PREX1: variants seen among roughly 807,000 people sequenced by gnomAD.
PREX1 encodes the protein phosphatidylinositol-3,4,5-trisphosphate dependent Rac exchange factor 1.
A neutral mutation model predicts 198.3 loss-of-function variants in PREX1; 41 were observed. That is an observed-to-expected ratio of 0.21 (90% CI 0.16 to 0.27). The LOEUF (loss-of-function observed/expected upper bound fraction) is 0.27, where lower values mean the gene tolerates loss of function less well. PREX1 is among the 10% of genes least tolerant of loss of function. The probability of loss-of-function intolerance (pLI) is 1.00; values close to 1 mark genes in which losing one functional copy is unlikely to be tolerated. For synonymous variants in PREX1, 843 were observed against 887.2 expected, an observed-to-expected ratio of 0.95 and a Z score of 0.89; for missense variants, 1,620 against 2,200.7, an observed-to-expected ratio of 0.74 and a Z score of 5.28.
the PREX1 span, among the ~76,000 whole-genome samples, chr20:48,866,088 A>G: frequency 6.6e-6 from 1 of 152,046 alleles, no homozygotes; most frequent in Non-Finnish European, 1.5e-5. Flanking sequence ...AGCTGGGACT[A>G]CAAGTGTGTG....
chr20:48,805,923 G>A (rs1259861586), intron 1 of PREX1, among the ~76,000 whole-genome samples: 1 of 152,146 alleles, frequency 6.6e-6, no homozygotes, highest in African/African-American at 2.4e-5. Flanking sequence ...CATCATCACT[G>A]CCGCCAAAGC....
Position 48,684,507 on chromosome 20 carries a change from T to C in PREX1, c.1335-3172A>G, listed in dbSNP as rs2089772982. The stretch of plus-strand genomic sequence containing the variant: ...CAAGGCCCCTTCCACCTTGGAGCTT[T>C]CCCTCTGGCAGACGTCCATAACTGA... On this transcript the variant is annotated intron_variant, in intron 10 of 39. Coordinates refer to ENST00000371941, the MANE Select transcript of PREX1 (RefSeq NM_020820.4). This position sits in a 1 kb window ranked among gnomAD's most constrained non-coding sequence, Gnocchi z 4.2. 6.6e-6 allele frequency among the ~76,000 whole-genome samples: 1 copy of C among 152,176 alleles called. No individual in the cohort carries two copies. The highest frequency in any genetic ancestry group is 2.4e-5 in the African/African-American group (1 of 41,450).
At chr20:48,683,580 G>A (rs1233040600) in intron 10 of PREX1, among the ~76,000 whole-genome samples, 1 of 152,166 alleles carries the variant, frequency 6.6e-6, no homozygotes, top group Admixed American at 6.5e-5. Flanking sequence ...CTTGTAAATA[G>A]GCAAAACAGG....
chr20:48,634,870 A>T, intron 32 of PREX1, 95 bp from the exon 33 acceptor site: 2 of 1,052,578 alleles, frequency 1.9e-6, no homozygotes, highest in Non-Finnish European at 2.9e-6. Flanking sequence ...TCGGCACTCC[A>T]CACTGTGGGC....
chr20:48,657,264 T>C, intron 17 of PREX1, 76 bp from the exon 18 acceptor site: 1 of 1,525,516 alleles, frequency 6.6e-7, no homozygotes, highest in Non-Finnish European at 9.0e-7. Context: ...GAAGCTCAAA[T>C]GTGTTCAGCA....
intron 10 of PREX1, among the ~76,000 whole-genome samples, chr20:48,685,776 T>C (rs2089780299): frequency 6.6e-6 from 1 of 152,188 alleles, no homozygotes; most frequent in Non-Finnish European, 1.5e-5. Context: ...GGCACACACC[T>C]GTAGTCTCAG....
chr20:48,862,785 A>AT, the PREX1 span, among the ~76,000 whole-genome samples: 17 of 66,292 alleles, frequency 2.6e-4, no homozygotes, highest in African/African-American at 6.1e-4. Context: ...AAGCCTAAAA[A>AT]AAAAAATATA....
In PREX1 at chr20:48,751,422, T is replaced by C. The variant is rs531545794; in HGVS notation, c.220-3542A>G. On this transcript the variant is annotated intron_variant, in intron 1 of 39. Coordinates refer to ENST00000371941, the MANE Select transcript of PREX1 (RefSeq NM_020820.4). The stretch of plus-strand genomic sequence containing the variant: ...CACACGAGCTCTGCCACCGCTATTG[T>C]GCTGCAACAATGGGAGGCTCGGGCC... Among the ~76,000 whole-genome samples, 5 of 152,282 alleles carry C rather than the reference T, an allele frequency of 3.3e-5. No individual in the cohort carries two copies. In the South Asian group the frequency reaches 1.0e-3, roughly 32 times the overall value.
At chr20:48,790,930 A>G (rs545171241) in intron 1 of PREX1, among the ~76,000 whole-genome samples, 25 of 151,962 alleles carry the variant, frequency 1.6e-4, no homozygotes, top group Admixed American at 4.6e-4. Flanking sequence ...CCCTGTCCCC[A>G]TCAGCTCCCA....
At chr20:48,630,895 T>C in intron 35 of PREX1, 101 bp from the exon 36 acceptor site, 1 of 855,994 alleles carries the variant, frequency 1.2e-6, no homozygotes, top group Non-Finnish European at 1.9e-6. Flanking sequence ...CTCCGCCCTC[T>C]GCCGACTCTC....
At chr20:48,632,160 A>G (rs1319099852) in intron 35 of PREX1, 117 bp downstream of exon 35, 2 of 929,810 alleles carry the variant, frequency 2.2e-6, no homozygotes, top group East Asian at 4.8e-5. Flanking sequence ...GGTGCTCAAG[A>G]AAGGGTGTGC....
At chr20:48,796,348 A>G (rs1293240137) in intron 1 of PREX1, among the ~76,000 whole-genome samples, 1 of 151,950 alleles carries the variant, frequency 6.6e-6, no homozygotes, top group African/African-American at 2.4e-5. Flanking sequence ...AATTCTATAC[A>G]GCTATCATTT....
intron 1 of PREX1, among the ~76,000 whole-genome samples, chr20:48,751,149 A>G (rs960090642): frequency 1.3e-5 from 2 of 152,132 alleles, no homozygotes; most frequent in African/African-American, 4.8e-5. Flanking sequence ...CATGCCGGAG[A>G]CCTCGACTCA....
intron 14 of PREX1, among the ~76,000 whole-genome samples, chr20:48,672,516 C>T (rs376340642): frequency 3.7e-4 from 56 of 152,380 alleles, no homozygotes; most frequent in African/African-American, 1.1e-3. Context: ...TCCTGTACTC[C>T]GAGCCGGGCA....
At chr20:48,888,030 G>A in the PREX1 span, among the ~76,000 whole-genome samples, 1 of 152,182 alleles carries the variant, frequency 6.6e-6, no homozygotes, top group Non-Finnish European at 1.5e-5. Context: ...CACACCTGTT[G>A]TATTAGGTTT....
At chr20:48,749,480 G>C (rs2090124522) in intron 1 of PREX1, among the ~76,000 whole-genome samples, 1 of 152,170 alleles carries the variant, frequency 6.6e-6, no homozygotes, top group African/African-American at 2.4e-5. Context: ...CAGGAGAGAT[G>C]GCGGGGACAG....
rs771443514 is a variant in PREX1, at chr20:48,700,011, G to A, written c.917+742C>T. On this transcript the variant is annotated intron_variant, in intron 7 of 39. Coordinates refer to ENST00000371941, the MANE Select transcript of PREX1 (RefSeq NM_020820.4). ...ACCTCCCAAACCCCCAGCCATCTGC[G>A]CCTCATCCCGTGTGCCCACACAACC... is the stretch of plus-strand genomic sequence containing the variant. 6.6e-5 allele frequency among the ~76,000 whole-genome samples: 10 copies of A among 151,714 alleles called. No individual in the cohort carries two copies. In the South Asian group the frequency reaches 1.0e-3, roughly 16 times the overall value.
At chr20:48,831,139 A>G (rs375600336), upstream of PREX1, among the ~76,000 whole-genome samples, 4 of 152,294 alleles carry the variant, frequency 2.6e-5, no homozygotes, top group South Asian at 8.3e-4. Flanking sequence ...CTGCTGAAAC[A>G]GCAACATTGC....
chr20:48,693,191 C>CATCCATCG (rs2089828507), intron 7 of PREX1, among the ~76,000 whole-genome samples: 1 of 134,556 alleles, frequency 7.4e-6, no homozygotes, highest in African/African-American at 2.7e-5. Flanking sequence ...GCAGTCCGTC[C>CATCCATCG]ATCCATCCAT....
Sources: allele counts gnomAD v4.1 joint callset (sites outside exome capture counted in the v4.1 genomes callset), GRCh38; gene constraint gnomAD v4.1.1; non-coding constraint Gnocchi (gnomAD v3.1); transcripts MANE v1.5; gene names NCBI Gene and HGNC (gene_info 2026-07-23, HGNC 2026-07-21).